FMO1: variants seen among roughly 807,000 people sequenced by gnomAD.
FMO1 encodes the protein flavin containing dimethylaniline monoxygenase 1.
A neutral mutation model predicts 45.4 loss-of-function variants in FMO1; 36 were observed. The ratio of observed to expected loss-of-function variants is 0.79; its 90% CI spans 0.61 to 1.05. The LOEUF (loss-of-function observed/expected upper bound fraction) is 1.05, where lower values mean the gene tolerates loss of function less well. FMO1 is among the 50% of genes least tolerant of loss of function. FMO1 has a pLI of 0.00. For synonymous variants in FMO1, 228 were observed against 227.2 expected (o/e 1.00, Z -0.03); for missense variants, 615 against 640.3 (o/e 0.96, Z 0.43).
chr1:171,280,467 A>G (rs999145307), intron 5 of FMO1, among the ~76,000 whole-genome samples: 1 of 152,234 alleles, frequency 6.6e-6, no homozygotes, highest in African/African-American at 2.4e-5. Flanking sequence ...GATAGTGAGC[A>G]CACCAAGTAG....
rs1398378090 is a variant in FMO1 at position 171,275,509 on chromosome 1, G to T, written c.484+1G>T. On this transcript the variant is annotated splice_donor_variant, in intron 4 of 8. Coordinates refer to ENST00000617670, the MANE Select transcript of FMO1 (RefSeq NM_001282693.2). LOFTEE classifies it high-confidence loss of function. Reference sequence around the variant, plus strand: ...TATTTGCCACTGGATTCCTTTCCAGGTACAGCATTTTCTGTAACTAACTTT... The same window carrying T: ...TATTTGCCACTGGATTCCTTTCCAGTTACAGCATTTTCTGTAACTAACTTT... 1.9e-6 allele frequency: 3 copies of T among 1,604,232 alleles called. No individual in the cohort carries two copies.
In FMO1 at chr1:171,275,475, A is replaced by G. The variant is rs759668629; in HGVS notation, c.451A>G (p.Thr151Ala). 3 of 1,612,862 alleles carry G rather than the reference A, an allele frequency of 1.9e-6. No individual in the cohort carries two copies. The highest frequency in any genetic ancestry group is 2.5e-6 in the Non-Finnish European group (3 of 1,179,540). ...DAVMVCTGFL[T>A]NPYLPLDSFP... is the part of the protein sequence containing the mutation. ...TGTCATGGTCTGCACTGGCTTTCTT[A>G]CTAATCCTTATTTGCCACTGGATTC... Residue 151 changes from threonine to alanine, a missense_variant, in exon 4 of 9, where the codon ACT (threonine) becomes GCT (alanine). Thr to Ala is a moderately conservative substitution (Grantham distance 58). Coordinates refer to ENST00000617670, the MANE Select transcript of FMO1 (RefSeq NM_001282693.2).
chr1:171,285,124 GCT>G, intron 8 of FMO1, 76 bp from the exon 9 acceptor site: 1 of 938,004 alleles, frequency 1.1e-6, no homozygotes, highest in Non-Finnish European at 1.6e-6. Context: ...GTATTTGTTT[GCT>G]TTGGGCACTT....
chr1:171,267,504 C>T (rs751675766), intron 2 of FMO1, 39 bp from the exon 3 acceptor site: 1 of 1,473,628 alleles, frequency 6.8e-7, no homozygotes, highest in Non-Finnish European at 9.2e-7. Flanking sequence ...TATTTATGAG[C>T]ATGCAATGAA....
intron 3 of FMO1, 43 bp from the exon 4 acceptor site, chr1:171,275,303 G>A: frequency 6.4e-7 from 1 of 1,556,568 alleles, no homozygotes; most frequent in Non-Finnish European, 8.8e-7. Context: ...GTGCTTAATG[G>A]AACATTGACA....
chr1:171,257,853 A>T lies in FMO1; in HGVS notation c.-6-229A>T, dbSNP rs1660222768. ...CAGAAGCTACAGCCTTGACAACTGT[A>T]CGAACATTTGGCACTGGTGCTGCAT... On this transcript the variant is annotated intron_variant, in intron 1 of 8. Transcript: ENST00000617670. 3 of 496,712 alleles carry T rather than the reference A, an allele frequency of 6.0e-6. No homozygotes were observed. In the East Asian group the frequency reaches 1.2e-4, roughly 19 times the overall value. The allele number at this position is 496,712 out of a possible 1,614,324, so 30.8% of individuals were successfully genotyped here.
intron 3 of FMO1, among the ~76,000 whole-genome samples, chr1:171,272,218 T>G (rs1337163226): frequency 6.6e-6 from 1 of 152,240 alleles, no homozygotes; most frequent in African/African-American, 2.4e-5. Context: ...CACATTGTAT[T>G]GAGCCTGCAA....
chr1:171,257,158 G>C (rs190469356), intron 1 of FMO1, among the ~76,000 whole-genome samples: 1 of 152,264 alleles, frequency 6.6e-6, no homozygotes, highest in East Asian at 1.9e-4. Flanking sequence ...CTTTATATTT[G>C]TGATGCACAG....
chr1:171,263,994 A>G (rs995719046), intron 2 of FMO1, among the ~76,000 whole-genome samples: 2 of 152,212 alleles, frequency 1.3e-5, no homozygotes, highest in African/African-American at 4.8e-5. Context: ...CAATAGAAGG[A>G]AAGAGAGACA....
chr1:171,277,255 C>T (rs1223189406), intron 4 of FMO1, among the ~76,000 whole-genome samples: 1 of 152,106 alleles, frequency 6.6e-6, no homozygotes, highest in Non-Finnish European at 1.5e-5. Flanking sequence ...AATTCAAATT[C>T]ACTGAAGGTA....
At chr1:171,282,524 A>G (rs10399952) in intron 7 of FMO1, 191 bp downstream of exon 7, 86,743 of 486,052 alleles carry the variant, frequency 0.18, 12,892 homozygotes, top group African/African-American at 0.57. Flanking sequence ...ATGGTATATC[A>G]GGGTCAAAAA....
At chr1:171,271,249 T>G in intron 3 of FMO1, 1 of 1,072,152 alleles carries the variant, frequency 9.3e-7, no homozygotes, top group Non-Finnish European at 1.4e-6. Context: ...TTGTTCTCCT[T>G]TAATTTTTGG....
chr1:171,271,706 G>A lies in FMO1; in HGVS notation c.322-3640G>A, dbSNP rs1387991437. On this transcript the variant is annotated intron_variant, in intron 3 of 8. Coordinates refer to ENST00000617670, the MANE Select transcript of FMO1 (RefSeq NM_001282693.2). ...CTGCCTCTTCTTATGTTCTAGCAAT[G>A]AGACTGGAGATTTATGGAACTTTGA... is the stretch of plus-strand genomic sequence containing the variant. The A allele has an allele frequency of 7.0e-6, 4 of 572,580 alleles. No individual in the cohort carries two copies. The African/African-American group carries it at 7.6e-5, about 11-fold the overall frequency. 35.5% of individuals were successfully genotyped at this position (572,580 alleles called of 1,614,324 possible). A position where few individuals can be genotyped will look rare whatever the true frequency, so the allele number is the denominator to read the frequency against.
rs28360369 is a variant in FMO1 at position 171,263,805 on chromosome 1, G to A, written c.133-3738G>A. Among the ~76,000 whole-genome samples, 863 of 152,292 alleles carry A rather than the reference G, an allele frequency of 5.7e-3. 4 individuals are homozygous for A. The highest frequency in any genetic ancestry group is 8.7e-3 in the Non-Finnish European group (595 of 68,032). On this transcript the variant is annotated intron_variant, in intron 2 of 8. Transcript: ENST00000617670. ...GTGTCTGCAGCACGGGTGGGAGGGT[G>A]CAGTGTGGGTATTGAAGGCTGGCAG...
chr1:171,285,496 CTT>C lies in FMO1; in HGVS notation c.1553_1554del (p.Phe518Ter). On this transcript the variant is annotated frameshift_variant, in exon 9 of 9. Coordinates refer to ENST00000617670, the MANE Select transcript of FMO1 (RefSeq NM_001282693.2). LOFTEE classifies it high-confidence loss of function. ...CTCCCTTTGAAAGTTTTCTTAAAGT[CTT>C]TAGCTTTCTGGCTTTGCTTGTGGCT... ...PSPFESFLKV[F>X]SFLALLVAIF... 6.6e-7 allele frequency: 1 copy of C among 1,518,924 alleles called. No homozygotes were observed. The highest frequency in any genetic ancestry group is 2.3e-5 in the East Asian group (1 of 43,552). 94.1% of individuals were successfully genotyped at this position (1,518,924 alleles called of 1,614,324 possible).
chr1:171,267,725 A>G lies in FMO1; in HGVS notation c.315A>G (p.Gln105=). 6.2e-7 allele frequency: 1 copy of G among 1,607,078 alleles called. No homozygotes were observed. The highest frequency in any genetic ancestry group is 8.5e-7 in the Non-Finnish European group (1 of 1,176,458). ...ANHFDLLKHI[Q]FKTKVCSVTK... is the part of the protein sequence containing the mutation. Reference sequence around the variant, plus strand: ...ACTTTGACCTTCTGAAACACATTCAATTCAAGGTAAGACACAAAACATCAG... The same window carrying G: ...ACTTTGACCTTCTGAAACACATTCAGTTCAAGGTAAGACACAAAACATCAG... The change falls in exon 3 of 9, where the codon CAA becomes CAG. Residue 105 remains glutamine (Q), a synonymous_variant. Coordinates refer to ENST00000617670, the MANE Select transcript of FMO1 (RefSeq NM_001282693.2).
intron 5 of FMO1, 113 bp downstream of exon 5, chr1:171,278,984 C>A: frequency 1.3e-6 from 1 of 771,386 alleles, no homozygotes; most frequent in Non-Finnish European, 1.8e-6. Flanking sequence ...CACATGCAAA[C>A]AACAGATTAC....
intron 4 of FMO1, among the ~76,000 whole-genome samples, chr1:171,276,351 T>C (rs1207944845): frequency 6.6e-6 from 1 of 152,170 alleles, no homozygotes; most frequent in African/African-American, 2.4e-5. Flanking sequence ...ATCATTGAAT[T>C]GGAAAGAACC....
In FMO1 at chr1:171,283,137, C is replaced by A; in HGVS notation, c.1184-7C>A. The A allele has an allele frequency of 6.7e-7, 1 of 1,482,792 alleles. No individual in the cohort carries two copies. The highest frequency in any genetic ancestry group is 9.3e-7 in the Non-Finnish European group (1 of 1,072,752). The allele number at this position is 1,482,792 out of a possible 1,614,324, so 91.9% of individuals were successfully genotyped here. A position where few individuals can be genotyped will look rare whatever the true frequency, so the allele number is the denominator to read the frequency against. ...TTGCATTTGAGGTTTTTATTTTAAT[C>A]CTACAGGTGTAAATAAGTTACCACC... On this transcript the variant is annotated splice_polypyrimidine_tract_variant and splice_region_variant and intron_variant, in intron 7 of 8. Transcript: ENST00000617670.
Sources: allele counts gnomAD v4.1 joint callset (sites outside exome capture counted in the v4.1 genomes callset), GRCh38; gene constraint gnomAD v4.1.1; transcripts MANE v1.5; gene names NCBI Gene and HGNC (gene_info 2026-07-23, HGNC 2026-07-21).